EXOC6B: variants seen among roughly 807,000 people sequenced by gnomAD.
The protein encoded by EXOC6B is exocyst complex component 6B, also known as SEC15 homolog B.
In EXOC6B, 54 loss-of-function variants were observed where a neutral mutation model predicts 113.5. That is an observed-to-expected ratio of 0.48 (90% CI 0.38 to 0.60). The LOEUF is 0.60. EXOC6B is among the 20% of genes least tolerant of loss of function. EXOC6B has a pLI of 0.00. For synonymous variants in EXOC6B, 357 were observed against 339.0 expected (o/e 1.05, Z -0.58); for missense variants, 797 against 977.5 (o/e 0.82, Z 2.46).
intron 1 of EXOC6B, among the ~76,000 whole-genome samples, chr2:72,763,972 G>A (rs536949088): frequency 3.3e-5 from 5 of 151,868 alleles, no homozygotes; most frequent in Admixed American, 1.3e-4. Flanking sequence ...CCAGGTACTC[G>A]GGAGGCTGTG....
chr2:72,501,327 C>G (rs1700310360), intron 11 of EXOC6B, among the ~76,000 whole-genome samples: 1 of 152,100 alleles, frequency 6.6e-6, no homozygotes. Context: ...AAACCCACCC[C>G]TTGCCCTTGC....
In EXOC6B at chr2:72,181,931, T is replaced by G. The variant is rs182743281; in HGVS notation, c.2309+2144A>C. 3.4e-4 allele frequency among the ~76,000 whole-genome samples: 52 copies of G among 152,326 alleles called. No individual in the cohort carries two copies. In the East Asian group the frequency reaches 8.9e-3, roughly 26 times the overall value. ...ATTAACAGCTATGGCCACCTCTCAA[T>G]GATGCAGGGGCCACTTCTTTTCCCT... On this transcript the variant is annotated intron_variant, in intron 21 of 21. Coordinates refer to ENST00000272427, the MANE Select transcript of EXOC6B (RefSeq NM_015189.3).
intron 18 of EXOC6B, among the ~76,000 whole-genome samples, chr2:72,431,603 G>T (rs1423163976): frequency 6.6e-6 from 1 of 151,944 alleles, no homozygotes; most frequent in African/African-American, 2.4e-5. Flanking sequence ...AAGCCTCCCA[G>T]ATAGCTCAAA....
intron 20 of EXOC6B, among the ~76,000 whole-genome samples, chr2:72,260,294 C>T (rs1012025774): frequency 3.3e-5 from 5 of 152,064 alleles, no homozygotes; most frequent in Non-Finnish European, 5.9e-5. Context: ...GAACTTCCAG[C>T]GATATCACAG....
At chr2:72,426,308 G>A (rs894725267) in intron 18 of EXOC6B, among the ~76,000 whole-genome samples, 3 of 151,988 alleles carry the variant, frequency 2.0e-5, no homozygotes, top group Non-Finnish European at 4.4e-5. Flanking sequence ...TCTCTTCCTT[G>A]ATCTCTTATC....
intron 20 of EXOC6B, among the ~76,000 whole-genome samples, chr2:72,292,166 GAAGT>G (rs1343514300): frequency 3.5e-5 from 5 of 143,502 alleles, no homozygotes; most frequent in Non-Finnish European, 7.5e-5. Context: ...GGAGGATCCA[GAAGT>G]AAGTGTGTGT....
chr2:72,332,123 T>C (rs1432336870), intron 20 of EXOC6B, among the ~76,000 whole-genome samples: 4 of 100,512 alleles, frequency 4.0e-5, no homozygotes, highest in Non-Finnish European at 5.4e-5. Flanking sequence ...CTTGCTGCAC[T>C]GCACTGGGGG....
chr2:72,399,891 C>A (rs1214241872), intron 18 of EXOC6B, among the ~76,000 whole-genome samples: 1 of 152,124 alleles, frequency 6.6e-6, no homozygotes, highest in Non-Finnish European at 1.5e-5. Flanking sequence ...CAATTTCTAT[C>A]AAAATGCCAA....
chr2:72,297,922 TAAG>T (rs1686240941), intron 20 of EXOC6B, among the ~76,000 whole-genome samples: 1 of 152,170 alleles, frequency 6.6e-6, no homozygotes, highest in African/African-American at 2.4e-5. Flanking sequence ...GTGGTCAACT[TAAG>T]AATAAGTGCA....
chr2:72,576,838 C>T (rs531569363), intron 6 of EXOC6B, among the ~76,000 whole-genome samples: 1 of 151,908 alleles, frequency 6.6e-6, no homozygotes, highest in African/African-American at 2.4e-5. Context: ...TTGGTATTAC[C>T]CCAAGATAAC....
chr2:72,227,025 G>A (rs1681288484), intron 20 of EXOC6B, among the ~76,000 whole-genome samples: 2 of 152,114 alleles, frequency 1.3e-5, no homozygotes, highest in Non-Finnish European at 2.9e-5. Context: ...TACATTCATA[G>A]CTGTAATGCT....
At chr2:72,605,233 G>A (rs1014805207) in intron 6 of EXOC6B, among the ~76,000 whole-genome samples, 8 of 150,186 alleles carry the variant, frequency 5.3e-5, no homozygotes, top group African/African-American at 1.2e-4. Flanking sequence ...GCAGTGAGCC[G>A]AGATGGCACC....
chr2:72,779,130 C>T (rs1683882935), intron 1 of EXOC6B, among the ~76,000 whole-genome samples: 1 of 151,996 alleles, frequency 6.6e-6, no homozygotes, highest in Non-Finnish European at 1.5e-5. Flanking sequence ...ACCCATGATA[C>T]AGGGTGACAG....
chr2:72,353,386 T>TGTATTGTATTGTATTGTATTG (rs774320429), intron 19 of EXOC6B, among the ~76,000 whole-genome samples: 14 of 151,546 alleles, frequency 9.2e-5, no homozygotes, highest in African/African-American at 1.9e-4. Context: ...TGTATCGTAT[T>TGTATTGTATTGTATTGTATTG]TTTGAGATGG....
rs1254197281 is a variant in EXOC6B, at chr2:72,507,060, T to C, written c.1167+6072A>G. Among the ~76,000 whole-genome samples the C allele has an allele frequency of 2.6e-5, 4 of 152,154 alleles. No individual in the cohort carries two copies. The East Asian group carries it at 5.8e-4, about 22-fold the overall frequency. On this transcript the variant is annotated intron_variant, in intron 11 of 21. Coordinates refer to ENST00000272427, the MANE Select transcript of EXOC6B (RefSeq NM_015189.3). ...GCACTGAGAATGTTGCACATATTAA[T>C]ACATGAAATATTGAATCTTTCAAAA...
intron 8 of EXOC6B, among the ~76,000 whole-genome samples, chr2:72,518,743 G>A (rs1701343186): frequency 2.0e-5 from 3 of 152,156 alleles, no homozygotes; most frequent in Admixed American, 2.0e-4. Context: ...GCTGACAAGA[G>A]ATGAGGCAGG....
intron 19 of EXOC6B, among the ~76,000 whole-genome samples, chr2:72,349,795 A>T (rs746488994): frequency 1.3e-5 from 2 of 152,112 alleles, no homozygotes; most frequent in African/African-American, 2.4e-5. Flanking sequence ...AATTATTGAA[A>T]CTGAAGGGAT....
chr2:72,183,690 C>T (rs1166561621), intron 21 of EXOC6B, among the ~76,000 whole-genome samples: 1 of 152,068 alleles, frequency 6.6e-6, no homozygotes, highest in East Asian at 1.9e-4. Flanking sequence ...TTGCACTATC[C>T]ATCATCATAC....
chr2:72,720,654 G>A (rs984134628), intron 5 of EXOC6B, among the ~76,000 whole-genome samples: 5 of 152,154 alleles, frequency 3.3e-5, no homozygotes, highest in African/African-American at 1.2e-4. Context: ...TTGGGAAGCT[G>A]AGGTGGGAGG....
Sources: allele counts gnomAD v4.1 joint callset (sites outside exome capture counted in the v4.1 genomes callset), GRCh38; gene constraint gnomAD v4.1.1; transcripts MANE v1.5; gene names NCBI Gene and HGNC (gene_info 2026-07-23, HGNC 2026-07-21).